FBXW4: variants seen among roughly 807,000 people sequenced by gnomAD.
FBXW4 encodes the protein F-box/WD repeat-containing protein 4.
FBXW4 carries 40 observed loss-of-function variants against 61.8 expected under a neutral mutation model. The observed-to-expected ratio is 0.65, with a 90% CI of 0.50 to 0.84. The LOEUF (loss-of-function observed/expected upper bound fraction) is 0.84, where lower values mean the gene tolerates loss of function less well. Ranked by LOEUF, FBXW4 falls within the 40% of genes least tolerant of loss-of-function variation. The pLI, the probability that FBXW4 is intolerant of heterozygous loss-of-function variation, is 0.00. For synonymous variants in FBXW4, 311 were observed against 313.8 expected, an observed-to-expected ratio of 0.99 and a Z score of 0.10; for missense variants, 672 against 753.8, an observed-to-expected ratio of 0.89 and a Z score of 1.27.
At chr10:101,676,711 G>GAAA (rs56232127) in intron 1 of FBXW4, 22,649 of 64,504 alleles carry the variant, frequency 0.35, 4,499 homozygotes, top group East Asian at 0.63. Context: ...TCCAGATTGG[G>GAAA]AAAAAAAAAA....
chr10:101,612,516 G>A, intron 6 of FBXW4, 39 bp from the exon 7 acceptor site: 1 of 1,507,250 alleles, frequency 6.6e-7, no homozygotes, highest in Non-Finnish European at 8.9e-7. Context: ...TGCTCCACGT[G>A]GGTCATACAC....
intron 5 of FBXW4, among the ~76,000 whole-genome samples, chr10:101,635,919 G>A (rs1162723375): frequency 6.6e-6 from 1 of 152,006 alleles, no homozygotes; most frequent in African/African-American, 2.4e-5. Flanking sequence ...CCTACCCTGG[G>A]GGGGCGGGCG....
At chr10:101,615,152 G>A (rs950365294) in intron 6 of FBXW4, among the ~76,000 whole-genome samples, 4 of 152,182 alleles carry the variant, frequency 2.6e-5, no homozygotes, top group African/African-American at 7.2e-5. Context: ...TGGAAAGAAT[G>A]TTAAGAATGC....
In FBXW4 at chr10:101,611,144, C is replaced by T. The variant is rs999604438; in HGVS notation, c.*147G>A. ...GCTCCAAAGTCCCAGGAGTCAGAAG[C>T]CTCTAGTGCAAGGTGCCTGAGCACT... On this transcript the variant is annotated 3_prime_UTR_variant, in exon 9 of 9. Transcript: ENST00000331272. The surrounding 1 kb of genome is among the most constrained non-coding windows in gnomAD (Gnocchi z 4.9). 1 of 1,040,006 alleles carries T rather than the reference C, an allele frequency of 9.6e-7. No homozygotes were observed. The highest frequency in any genetic ancestry group is 2.5e-5 in the Admixed American group (1 of 40,144). The allele number at this position is 1,040,006 out of a possible 1,614,324, so 64.4% of individuals were successfully genotyped here.
In FBXW4 at chr10:101,694,298, C is replaced by T; in HGVS notation, c.725+83G>A. 1 of 1,280,096 alleles carries T rather than the reference C, an allele frequency of 7.8e-7. No individual in the cohort carries two copies. The highest frequency in any genetic ancestry group is 1.0e-6 in the Non-Finnish European group (1 of 999,670). The allele number at this position is 1,280,096 out of a possible 1,614,324, so 79.3% of individuals were successfully genotyped here. A position where few individuals can be genotyped will look rare whatever the true frequency, so the allele number is the denominator to read the frequency against. The stretch of plus-strand genomic sequence containing the variant: ...ACTCGGGGTGCGACACGACCCTGGG[C>T]CGACCAGGCCGCGGCGCCCCGCCCT... On this transcript the variant is annotated intron_variant, in intron 1 of 8. Coordinates refer to ENST00000331272, the MANE Select transcript of FBXW4 (RefSeq NM_022039.4). This position sits in a 1 kb window ranked among gnomAD's most constrained non-coding sequence, Gnocchi z 6.0.
chr10:101,672,833 C>A, intron 4 of FBXW4, 82 bp downstream of exon 4: 1 of 1,514,378 alleles, frequency 6.6e-7, no homozygotes. Context: ...TACTCTCAGC[C>A]AATCCTGAGA....
At chr10:101,680,721 A>G (rs2064466109) in intron 1 of FBXW4, among the ~76,000 whole-genome samples, 1 of 152,262 alleles carries the variant, frequency 6.6e-6, no homozygotes, top group East Asian at 1.9e-4. Context: ...TGTTGCTTAT[A>G]GCACATTCAG....
rs189635985 is a variant in FBXW4 at position 101,672,265 on chromosome 10, C to A, written c.1140+650G>T. On this transcript the variant is annotated intron_variant, in intron 4 of 8. Transcript: ENST00000331272. ...CCTGGCTAGGGCTGTTGGGCACAAG[C>A]CTGGAGAAAGACTTCTCTGCTCACA... 2.3e-3 allele frequency among the ~76,000 whole-genome samples: 344 copies of A among 152,316 alleles called. 5 individuals are homozygous for A. Among genetic ancestry groups the A allele is most frequent in the Non-Finnish European group, 2.6e-4 (18 of 68,028 alleles).
At chr10:101,668,629 C>T (rs2064329479) in intron 4 of FBXW4, among the ~76,000 whole-genome samples, 1 of 152,198 alleles carries the variant, frequency 6.6e-6, no homozygotes, top group South Asian at 2.1e-4. Flanking sequence ...GCTTCCATAT[C>T]TCCTACAGGT....
chr10:101,694,275 T>C lies in FBXW4; in HGVS notation c.725+106A>G. 1 of 1,110,766 alleles carries C rather than the reference T, an allele frequency of 9.0e-7. No homozygotes were observed. The highest frequency in any genetic ancestry group is 1.2e-6 in the Non-Finnish European group (1 of 853,692). 68.8% of individuals were successfully genotyped at this position (1,110,766 alleles called of 1,614,324 possible). A position where few individuals can be genotyped will look rare whatever the true frequency, so the allele number is the denominator to read the frequency against. ...GGAGGTCAGGTGTAGGCCTAGAAAC[T>C]CGGGGTGCGACACGACCCTGGGCCG... On this transcript the variant is annotated intron_variant, in intron 1 of 8. Transcript: ENST00000331272. The surrounding 1 kb of genome is among the most constrained non-coding windows in gnomAD (Gnocchi z 6.0).
intron 5 of FBXW4, among the ~76,000 whole-genome samples, chr10:101,633,863 C>G (rs1018060055): frequency 9.9e-5 from 15 of 152,104 alleles, no homozygotes; most frequent in Admixed American, 9.2e-4. Flanking sequence ...GTAATCCCAG[C>G]ACTTTAGGAG....
At chr10:101,619,691 G>A (rs1393322212) in intron 6 of FBXW4, among the ~76,000 whole-genome samples, 1 of 151,958 alleles carries the variant, frequency 6.6e-6, no homozygotes, top group East Asian at 1.9e-4. Flanking sequence ...AAGGGGGAAG[G>A]GGACAGCCAA....
intron 1 of FBXW4, among the ~76,000 whole-genome samples, chr10:101,676,866 T>G (rs2064416002): frequency 2.0e-5 from 3 of 151,904 alleles, no homozygotes; most frequent in Admixed American, 2.0e-4. Context: ...ACTAAGAAGG[T>G]AGACATAGAT....
chr10:101,681,842 C>A (rs1027927114), intron 1 of FBXW4, among the ~76,000 whole-genome samples: 4 of 151,756 alleles, frequency 2.6e-5, no homozygotes, highest in Admixed American at 2.0e-4. Context: ...ACAGTTATGT[C>A]TTCCTATTTA....
chr10:101,667,402 ACCC>A (rs1212762400), intron 5 of FBXW4, among the ~76,000 whole-genome samples: 51 of 152,296 alleles, frequency 3.3e-4, no homozygotes, highest in Middle Eastern at 3.4e-3. Context: ...TTGTTTGAGG[ACCC>A]AGCTGGATCT....
intron 1 of FBXW4, among the ~76,000 whole-genome samples, chr10:101,690,219 T>C (rs2064581160): frequency 6.6e-6 from 1 of 152,244 alleles, no homozygotes; most frequent in South Asian, 2.1e-4. Flanking sequence ...TCATAATGTC[T>C]ACTTCTTGCA....
At chr10:101,650,422 C>T (rs1197177575) in intron 5 of FBXW4, among the ~76,000 whole-genome samples, 2 of 152,210 alleles carry the variant, frequency 1.3e-5, no homozygotes, top group Admixed American at 1.3e-4. Context: ...TGCCTGCCCC[C>T]ACCTCCCTCA....
chr10:101,635,966 G>A (rs2063998304), intron 5 of FBXW4, among the ~76,000 whole-genome samples: 1 of 152,090 alleles, frequency 6.6e-6, no homozygotes, highest in Non-Finnish European at 1.5e-5. Flanking sequence ...AGGCAAAAAG[G>A]TAGATAAATG....
intron 5 of FBXW4, among the ~76,000 whole-genome samples, chr10:101,634,781 A>T (rs1462878356): frequency 6.7e-6 from 1 of 149,396 alleles, no homozygotes; most frequent in East Asian, 1.9e-4. Flanking sequence ...GAAAACCCAT[A>T]AAGGTCTAAG....
Sources: allele counts gnomAD v4.1 joint callset (sites outside exome capture counted in the v4.1 genomes callset), GRCh38; gene constraint gnomAD v4.1.1; non-coding constraint Gnocchi (gnomAD v3.1); transcripts MANE v1.5; gene names NCBI Gene and HGNC (gene_info 2026-07-23, HGNC 2026-07-21).